HERC6: variants seen among roughly 807,000 people sequenced by gnomAD.
The protein encoded by HERC6 is probable E3 ubiquitin-protein ligase HERC6.
A neutral mutation model predicts 114.5 loss-of-function variants in HERC6; 101 were observed. The observed-to-expected ratio is 0.88, with a 90% CI of 0.75 to 1.04. The LOEUF (loss-of-function observed/expected upper bound fraction) is 1.04, where lower values mean the gene tolerates loss of function less well. HERC6 is among the 50% of genes least tolerant of loss of function. The pLI is 0.00. For missense variants in HERC6, 1,133 were observed against 1,230.9 expected, an observed-to-expected ratio of 0.92 and a Z score of 1.19; for synonymous variants, 408 against 436.2, an observed-to-expected ratio of 0.94 and a Z score of 0.81.
chr4:88,421,232 G>C (rs572452747), intron 13 of HERC6, among the ~76,000 whole-genome samples: 13 of 152,040 alleles, frequency 8.6e-5, no homozygotes, highest in Non-Finnish European at 1.9e-4. Context: ...TGGCTATTAT[G>C]AATAATGCCG....
intron 15 of HERC6, among the ~76,000 whole-genome samples, chr4:88,427,484 C>G (rs1304264553): frequency 6.6e-6 from 1 of 152,098 alleles, no homozygotes; most frequent in Non-Finnish European, 1.5e-5. Flanking sequence ...GATGACCCAC[C>G]ACCAGAAAGG....
intron 1 of HERC6, among the ~76,000 whole-genome samples, chr4:88,380,444 C>T (rs1271240592): frequency 5.6e-5 from 7 of 124,534 alleles, no homozygotes; most frequent in Non-Finnish European, 7.9e-5. Context: ...ATAGGCCGGA[C>T]GCGGTGGCTT....
intron 12 of HERC6, among the ~76,000 whole-genome samples, chr4:88,416,341 A>G (rs947387856): frequency 6.6e-5 from 10 of 151,904 alleles, no homozygotes; most frequent in Non-Finnish European, 1.3e-4. Flanking sequence ...CTCTTTTCCT[A>G]TTGGTTGTTA....
chr4:88,380,693 G>A (rs1373697950), intron 1 of HERC6, among the ~76,000 whole-genome samples: 2 of 149,786 alleles, frequency 1.3e-5, no homozygotes, highest in African/African-American at 4.9e-5. Flanking sequence ...CTCCAGCCTG[G>A]CAACAGAGCA....
chr4:88,394,487 A>AG (rs1279565931), intron 5 of HERC6, among the ~76,000 whole-genome samples: 1 of 150,022 alleles, frequency 6.7e-6, no homozygotes, highest in African/African-American at 2.4e-5. Context: ...AAAAAAAAAA[A>AG]AAAAAAAATT....
intron 3 of HERC6, among the ~76,000 whole-genome samples, chr4:88,385,901 A>G (rs1734551477): frequency 6.6e-6 from 1 of 152,076 alleles, no homozygotes; most frequent in South Asian, 2.1e-4. Context: ...TTATTTGTCT[A>G]TTTCACTTAG....
intron 13 of HERC6, among the ~76,000 whole-genome samples, chr4:88,417,985 T>C (rs1330037982): frequency 1.3e-5 from 2 of 151,130 alleles, no homozygotes; most frequent in East Asian, 1.9e-4. Flanking sequence ...AAGATACTGC[T>C]ACATGTAACA....
intron 11 of HERC6, among the ~76,000 whole-genome samples, chr4:88,410,271 C>T (rs1407898918): frequency 6.6e-6 from 1 of 152,098 alleles, no homozygotes; most frequent in African/African-American, 2.4e-5. Flanking sequence ...CGGGACAACT[C>T]AAAGCAGGGA....
intron 22 of HERC6, among the ~76,000 whole-genome samples, chr4:88,441,486 A>G (rs751187522): frequency 3.9e-5 from 6 of 152,126 alleles, no homozygotes; most frequent in Non-Finnish European, 7.4e-5. Context: ...AGAATCCATC[A>G]GGCTGACTCC....
At position 88,413,072 on chromosome 4, in the gene HERC6, C is replaced by T; in HGVS notation, c.1369-5C>T. On this transcript the variant is annotated splice_region_variant and splice_polypyrimidine_tract_variant and intron_variant, in intron 11 of 22. Transcript: ENST00000264346. The stretch of plus-strand genomic sequence containing the variant: ...GTCTGTTCCCTGATCCTATTTTTAC[C>T]ACAGATAACTACGTGTCTCGAGGAT... 1 of 1,592,776 alleles carries T rather than the reference C, an allele frequency of 6.3e-7. No individual in the cohort carries two copies. The highest frequency in any genetic ancestry group is 8.5e-7 in the Non-Finnish European group (1 of 1,170,454).
chr4:88,382,671 T>A (rs1210032445), intron 1 of HERC6, among the ~76,000 whole-genome samples: 1 of 152,144 alleles, frequency 6.6e-6, no homozygotes, highest in Non-Finnish European at 1.5e-5. Flanking sequence ...ATTCAGCAGT[T>A]CATGAATTGA....
At chr4:88,380,298 AATATATATATAATATATAAATAT>A (rs1397263433) in intron 1 of HERC6, among the ~76,000 whole-genome samples, 1 of 17,924 alleles carries the variant, frequency 5.6e-5, no homozygotes, top group Non-Finnish European at 8.1e-5. Flanking sequence ...ATAATATATA[AATATATATATAATATATAAATAT>A]ATATATAATA....
At position 88,396,888 on chromosome 4, in the gene HERC6, G is replaced by T. The variant is rs751895050; in HGVS notation, c.925G>T (p.Val309Leu). The T allele has an allele frequency of 2.5e-6, 4 of 1,607,830 alleles. No individual in the cohort carries two copies. Among genetic ancestry groups the T allele is most frequent in the Admixed American group, 1.7e-5 (1 of 59,452 alleles). ...GGCATATGTGCACACCACTGGTCAG[G>T]TGGTATCTTTTGGTCATGGACCAAG... ...TLAYVHTTGQ[V>L]VSFGHGPSDT... Residue 309 changes from valine to leucine, a missense_variant, in exon 7 of 23, where the codon GTG becomes TTG. This residue lies in a region of HERC6 where 735 missense variants were observed against 754.0 expected (regional missense o/e 0.97). Coordinates refer to ENST00000264346, the MANE Select transcript of HERC6 (RefSeq NM_017912.4).
chr4:88,400,792 G>A (rs1463585386), intron 8 of HERC6, among the ~76,000 whole-genome samples: 1 of 151,932 alleles, frequency 6.6e-6, no homozygotes, highest in African/African-American at 2.4e-5. Flanking sequence ...TTAGTTATTG[G>A]TATTAATCTC....
chr4:88,380,484 C>T (rs1007135401), intron 1 of HERC6, among the ~76,000 whole-genome samples: 1 of 133,528 alleles, frequency 7.5e-6, no homozygotes, highest in Non-Finnish European at 1.5e-5. Flanking sequence ...TTTGGGAGGC[C>T]GAGGCGGGCG....
chr4:88,400,411 G>A (rs564925897), intron 8 of HERC6, among the ~76,000 whole-genome samples: 6 of 152,238 alleles, frequency 3.9e-5, no homozygotes, highest in Admixed American at 3.9e-4. Flanking sequence ...TGCTCAGGCT[G>A]GTCTTGAACT....
chr4:88,386,072 A>G (rs777373842), intron 3 of HERC6, among the ~76,000 whole-genome samples: 16 of 152,062 alleles, frequency 1.1e-4, no homozygotes, highest in Non-Finnish European at 1.6e-4. Flanking sequence ...AAATTTCTCA[A>G]TGGAGAGTCT....
chr4:88,409,951 G>A (rs924577770), intron 11 of HERC6, among the ~76,000 whole-genome samples: 1 of 152,176 alleles, frequency 6.6e-6, no homozygotes, highest in Non-Finnish European at 1.5e-5. Flanking sequence ...AGTTCTGGAG[G>A]CTGGGAAGTC....
chr4:88,418,947 G>A (rs916453616), intron 13 of HERC6, among the ~76,000 whole-genome samples: 1 of 152,090 alleles, frequency 6.6e-6, no homozygotes, highest in Non-Finnish European at 1.5e-5. Context: ...GGCTGGTCTC[G>A]AACTCCTGAC....
Sources: gnomAD v4.1 joint callset for allele counts (sites outside exome capture counted in the v4.1 genomes callset) on GRCh38, gnomAD v4.1.1 for gene constraint, gnomAD v4.1.1 regional missense constraint, MANE v1.5 for transcripts, NCBI Gene and HGNC (gene_info 2026-07-23, HGNC 2026-07-21) for gene names.